Variants in COL20A1 observed in about 807,000 individuals in gnomAD.
COL20A1 encodes collagen type XX alpha 1 chain, also known as collagen alpha-1(XX) chain.
In COL20A1, 164 loss-of-function variants were observed where a neutral mutation model predicts 152.9. The observed-to-expected ratio is 1.07, with a 90% CI of 0.94 to 1.22. The LOEUF (loss-of-function observed/expected upper bound fraction) is 1.22. COL20A1 is among the 50% of genes most tolerant of loss of function. The probability of loss-of-function intolerance (pLI) is 0.00; values close to 1 mark genes in which losing one functional copy is unlikely to be tolerated. For missense variants in COL20A1, 1,873 were observed against 1,744.8 expected (o/e 1.07, Z -1.31); for synonymous variants, 864 against 756.0 (o/e 1.14, Z -2.34).
Position 63,308,705 on chromosome 20 carries a change from G to T in COL20A1, c.939G>T (p.Val313=). 6.3e-7 allele frequency: 1 copy of T among 1,595,470 alleles called. No homozygotes were observed. The highest frequency in any genetic ancestry group is 1.1e-5 in the South Asian group (1 of 89,052). The change falls in exon 8 of 36, where the codon GTG becomes GTT. Residue 313 remains valine, a splice_region_variant and synonymous_variant. Transcript: ENST00000358894. ...ACCTGGGCGTGAACGTCTTCGCTGT[G>T]GGTGAGCACCATGCGGCTCCCCCGG... is the stretch of plus-strand genomic sequence containing the variant. ...LKDLGVNVFA[V]GVKNADEAEL...
At position 63,314,663 on chromosome 20, in the gene COL20A1, C is replaced by T. The variant is rs573024611; in HGVS notation, c.2488+462C>T. ...GCAGCCTTCCCATGGGAGGGGAGAG[C>T]TGCTCCTCCCATCAGGAGTGCTCCT... On this transcript the variant is annotated intron_variant, in intron 19 of 35. Transcript: ENST00000358894. Among the ~76,000 whole-genome samples, 8 of 152,208 alleles carry T rather than the reference C, an allele frequency of 5.3e-5. No individual in the cohort carries two copies. In the South Asian group the frequency reaches 8.3e-4, roughly 16 times the overall value.
chr20:63,327,953 G>C lies in COL20A1; in HGVS notation c.3530G>C (p.Gly1177Ala). Residue 1177 changes from glycine (G) to alanine (A), a missense_variant and splice_region_variant, in exon 32 of 36, where the codon GGA (glycine) becomes GCA (alanine). Coordinates refer to ENST00000358894, the MANE Select transcript of COL20A1 (RefSeq NM_020882.4). ...CTTTTCTCTTCCCCTCCTCATCAGGGACTGCCAGGGCCCAAAGGGGAACGA... is the reference window on the plus strand; with the variant it reads ...CTTTTCTCTTCCCCTCCTCATCAGGCACTGCCAGGGCCCAAAGGGGAACGA... ...RGPPGTVGPT[G>A]LPGPKGERGE... The C allele has an allele frequency of 6.3e-7, 1 of 1,599,896 alleles. No homozygotes were observed. The highest frequency in any genetic ancestry group is 2.3e-5 in the East Asian group (1 of 44,270).
intron 34 of COL20A1, 65 bp downstream of exon 34, chr20:63,328,563 C>CCTGGGG (rs2068289136): frequency 6.8e-7 from 1 of 1,464,738 alleles, no homozygotes. Flanking sequence ...GTCCCCTGGT[C>CCTGGGG]CTGGGGCTGG....
intron 3 of COL20A1, among the ~76,000 whole-genome samples, chr20:63,300,765 CA>C (rs1304780236): frequency 2.0e-5 from 3 of 152,070 alleles, no homozygotes; most frequent in Non-Finnish European, 4.4e-5. Context: ...TGCCCTTTTA[CA>C]AGATATAAAG....
Position 63,313,740 on chromosome 20 carries a change from C to T in COL20A1, c.2210-3C>T. On this transcript the variant is annotated splice_region_variant and splice_polypyrimidine_tract_variant and intron_variant, in intron 17 of 35. Coordinates refer to ENST00000358894, the MANE Select transcript of COL20A1 (RefSeq NM_020882.4). The surrounding 1 kb of genome is among the most constrained non-coding windows in gnomAD (Gnocchi z 5.9). ...GCCCCACACAACCCATGCTCTCGGC[C>T]AGCCACGGTGAGCAGGAGCCCACCC... 6.3e-7 allele frequency: 1 copy of T among 1,578,782 alleles called. No homozygotes were observed. The highest frequency in any genetic ancestry group is 8.6e-7 in the Non-Finnish European group (1 of 1,165,334).
chr20:63,297,330 T>C (rs112364255), intron 2 of COL20A1, among the ~76,000 whole-genome samples: 2,256 of 118,782 alleles, frequency 0.019, 14 homozygotes, highest in Middle Eastern at 0.024. Flanking sequence ...TCAGGGGACT[T>C]AGCTCAGGGG....
intron 2 of COL20A1, 146 bp downstream of exon 2, chr20:63,295,335 G>C (rs1013950000): frequency 1.6e-6 from 1 of 617,868 alleles, no homozygotes; most frequent in African/African-American, 1.9e-5. Flanking sequence ...CCACAACAAA[G>C]GCAAGACGGG....
Position 63,311,637 on chromosome 20 carries a change from C to A in COL20A1, c.1552C>A (p.Arg518=), listed in dbSNP as rs376817042. 2 of 1,609,302 alleles carry A rather than the reference C, an allele frequency of 1.2e-6. No homozygotes were observed. Among genetic ancestry groups the A allele is most frequent in the African/African-American group, 1.3e-5 (1 of 74,752 alleles). The change falls in exon 13 of 36, where the codon CGG becomes AGG. Residue 518 remains arginine, a synonymous_variant. Transcript: ENST00000358894. This position sits in a 1 kb window ranked among gnomAD's most constrained non-coding sequence, Gnocchi z 4.4. ...EEEEREVQVG[R]PEVLLDGLEP... The stretch of plus-strand genomic sequence containing the variant: ...CATGTCTCTGCAGGTGCAGGTCGGG[C>A]GGCCCGAGGTGCTGCTGGATGGCCT...
intron 21 of COL20A1, among the ~76,000 whole-genome samples, chr20:63,318,067 C>A (rs932876412): frequency 6.6e-6 from 1 of 152,174 alleles, no homozygotes; most frequent in Non-Finnish European, 1.5e-5. Context: ...TTCCATGAGT[C>A]CCTGTTCTCA....
At position 63,307,519 on chromosome 20, in the gene COL20A1, G is replaced by A. The variant is rs75604641; in HGVS notation, c.526G>A (p.Val176Met). 2.5e-5 allele frequency: 40 copies of A among 1,612,224 alleles called. No individual in the cohort carries two copies. The highest frequency in any genetic ancestry group is 8.9e-5 in the East Asian group (4 of 44,866). The change falls in exon 6 of 36, where the codon GTG becomes ATG. Residue 176 changes from valine (V) to methionine (M), a missense_variant. Coordinates refer to ENST00000358894, the MANE Select transcript of COL20A1 (RefSeq NM_020882.4). ...AGPQFRCLPP[V>M]PADMVFLVDG... ...CCCCCAGTTCCGCTGCCTGCCCCCC[G>A]TGCCTGCTGACATGGTCTTCCTGGT...
rs773234228 is a variant in COL20A1 at position 63,309,418 on chromosome 20, G to A, written c.1026G>A (p.Leu342=). The A allele has an allele frequency of 3.9e-6, 6 of 1,552,024 alleles. 1 individual carries two copies. In the South Asian group the frequency reaches 5.9e-5, roughly 15 times the overall value. Residue 342 remains leucine, a synonymous_variant, in exon 9 of 36, where the codon CTG becomes CTA. Coordinates refer to ENST00000358894, the MANE Select transcript of COL20A1 (RefSeq NM_020882.4). ...CCGTCCACAGCGTGCTGGACTTCCT[G>A]CAGCTCGGCGCGCTGGCTGGCCTGC... ...DITVHSVLDF[L]QLGALAGLLS...
At chr20:63,299,340 C>T (rs1480219893) in intron 3 of COL20A1, among the ~76,000 whole-genome samples, 2 of 152,190 alleles carry the variant, frequency 1.3e-5, no homozygotes, top group Non-Finnish European at 2.9e-5. Flanking sequence ...AGTGTATACT[C>T]CCGTCAACAC....
rs999091538 is a variant in COL20A1, at chr20:63,331,324, C to T, written c.*608C>T. ...ACAGGCAGGTCCCTGCCTGCCTCAT[C>T]GTCCCCTCTGTCCCCAGCCCAAGAA... On this transcript the variant is annotated 3_prime_UTR_variant, in exon 36 of 36. Transcript: ENST00000358894. The T allele has an allele frequency of 6.6e-6, 1 of 152,288 alleles. No homozygotes were observed. Among genetic ancestry groups the T allele is most frequent in the East Asian group, 1.9e-4 (1 of 5,192 alleles). 9.4% of individuals were successfully genotyped at this position (152,288 alleles called of 1,614,324 possible). A position where few individuals can be genotyped will look rare whatever the true frequency, so the allele number is the denominator to read the frequency against.
At chr20:63,325,856 C>A in intron 29 of COL20A1, 135 bp downstream of exon 29, 1 of 846,870 alleles carries the variant, frequency 1.2e-6, no homozygotes, top group Admixed American at 2.4e-5. Context: ...CCTGCTGCAC[C>A]ACCCCCTTCA....
rs760268701 is a variant in COL20A1, at chr20:63,322,055, C to T, written c.3241-3C>T. 12 of 1,508,460 alleles carry T rather than the reference C, an allele frequency of 8.0e-6. 1 individual carries two copies. The South Asian group carries it at 1.5e-4, about 19-fold the overall frequency. The allele number at this position is 1,508,460 out of a possible 1,614,324, so 93.4% of individuals were successfully genotyped here. On this transcript the variant is annotated splice_region_variant and splice_polypyrimidine_tract_variant and intron_variant, in intron 26 of 35. Coordinates refer to ENST00000358894, the MANE Select transcript of COL20A1 (RefSeq NM_020882.4). Reference sequence around the variant, plus strand: ...GGGCTTAGCCCTGTTTGTGCCTCTGCAGGGCCTCCCTGGGAGGAATGGCAC... The same window carrying T: ...GGGCTTAGCCCTGTTTGTGCCTCTGTAGGGCCTCCCTGGGAGGAATGGCAC...
rs1379734742 is a variant in COL20A1 at position 63,308,056 on chromosome 20, C to T, written c.741C>T (p.Arg247=). ...STKEQVLAAV[R]RLRYKGGNTF... ...AGGAACAGGTGCTGGCAGCTGTGCG[C>T]CGCCTCCGCTACAAGGGGGGGAACA... The change falls in exon 7 of 36, where the codon CGC becomes CGT. Residue 247 remains arginine (R), a synonymous_variant. Transcript: ENST00000358894. The T allele has an allele frequency of 4.3e-6, 7 of 1,612,370 alleles. No homozygotes were observed. Among genetic ancestry groups the T allele is most frequent in the African/African-American group, 2.7e-5 (2 of 74,842 alleles).
intron 3 of COL20A1, among the ~76,000 whole-genome samples, chr20:63,303,174 C>T (rs1034277333): frequency 6.6e-6 from 1 of 152,296 alleles, no homozygotes; most frequent in African/African-American, 2.4e-5. Context: ...CCCCAGGCAA[C>T]GCTAGGACCT....
intron 3 of COL20A1, among the ~76,000 whole-genome samples, chr20:63,298,537 C>G (rs1009706375): frequency 6.6e-6 from 1 of 152,180 alleles, no homozygotes; most frequent in Non-Finnish European, 1.5e-5. Flanking sequence ...ATCCGCCCCC[C>G]TCAGCCTCTC....
Position 63,305,389 on chromosome 20 carries a change from C to T in COL20A1, c.194-28C>T. 6.8e-7 allele frequency: 1 copy of T among 1,465,620 alleles called. No individual in the cohort carries two copies. Among genetic ancestry groups the T allele is most frequent in the Non-Finnish European group, 9.0e-7 (1 of 1,110,438 alleles). 90.8% of individuals were successfully genotyped at this position (1,465,620 alleles called of 1,614,324 possible). On this transcript the variant is annotated intron_variant, in intron 3 of 35. Coordinates refer to ENST00000358894, the MANE Select transcript of COL20A1 (RefSeq NM_020882.4). The surrounding 1 kb of genome is among the most constrained non-coding windows in gnomAD (Gnocchi z 4.9). ...GATGCACACACGTGTGCACCTTGGC[C>T]TCTAAAGCTCTCCCCACCCCTACCC...
Sources: gnomAD v4.1 joint callset for allele counts (sites outside exome capture counted in the v4.1 genomes callset) on GRCh38, gnomAD v4.1.1 for gene constraint, Gnocchi (gnomAD v3.1) non-coding constraint, MANE v1.5 for transcripts, NCBI Gene and HGNC (gene_info 2026-07-23, HGNC 2026-07-21) for gene names.